The following CACNG2 variants were observed in gnomAD, a reference collection of about 807,000 sequenced individuals.
The protein encoded by CACNG2 is voltage-dependent calcium channel gamma-2 subunit.
CACNG2 carries 3 observed loss-of-function variants against 25.9 expected under a neutral mutation model. That is an observed-to-expected ratio of 0.12 (90% CI 0.05 to 0.30). The LOEUF (loss-of-function observed/expected upper bound fraction) is 0.30, where lower values mean the gene tolerates loss of function less well. Ranked by LOEUF, CACNG2 falls within the 10% of genes least tolerant of loss-of-function variation. The pLI is 1.00. For missense variants in CACNG2, 341 were observed against 432.5 expected, an observed-to-expected ratio of 0.79 and a Z score of 1.88; for synonymous variants, 167 against 173.3, an observed-to-expected ratio of 0.96 and a Z score of 0.29.
At chr22:36,687,250 C>T (rs888378691) in intron 1 of CACNG2, among the ~76,000 whole-genome samples, 1 of 152,110 alleles carries the variant, frequency 6.6e-6, no homozygotes, top group Non-Finnish European at 1.5e-5. Context: ...AGTTTACAGC[C>T]CCAGATTTGT....
chr22:36,696,205 G>A (rs942875030), intron 1 of CACNG2, among the ~76,000 whole-genome samples: 1 of 152,202 alleles, frequency 6.6e-6, no homozygotes, highest in South Asian at 2.1e-4. Flanking sequence ...TAGAGGACTT[G>A]CACCCCCGGC....
intron 2 of CACNG2, among the ~76,000 whole-genome samples, chr22:36,572,712 CAAA>C (rs1005967863): frequency 8.9e-6 from 1 of 111,844 alleles, no homozygotes; most frequent in African/African-American, 3.4e-5. Context: ...GACTCCATCT[CAAA>C]AAAAAAAAAA....
At chr22:36,693,062 C>T (rs868195728) in intron 1 of CACNG2, among the ~76,000 whole-genome samples, 8 of 152,150 alleles carry the variant, frequency 5.3e-5, no homozygotes, top group African/African-American at 1.9e-4. Flanking sequence ...ATAAGAATTG[C>T]TTTAACCCAG....
At chr22:36,618,825 C>T (rs761877383) in intron 1 of CACNG2, among the ~76,000 whole-genome samples, 18 of 152,138 alleles carry the variant, frequency 1.2e-4, no homozygotes, top group Non-Finnish European at 2.4e-4. Context: ...TAGGCTGAGG[C>T]AGGAGAACCA....
intron 1 of CACNG2, among the ~76,000 whole-genome samples, chr22:36,663,467 C>T (rs1330452055): frequency 6.6e-6 from 1 of 152,144 alleles, no homozygotes. Context: ...CTCAGCATAC[C>T]CATCTTCTCC....
chr22:36,655,024 G>GCTT (rs1936683030), intron 1 of CACNG2, among the ~76,000 whole-genome samples: 1 of 152,116 alleles, frequency 6.6e-6, no homozygotes, highest in African/African-American at 2.4e-5. Context: ...TGTGATTTGG[G>GCTT]AGGGGGGAAA....
chr22:36,674,011 G>A (rs77682922), intron 1 of CACNG2, among the ~76,000 whole-genome samples: 5 of 152,134 alleles, frequency 3.3e-5, no homozygotes, highest in East Asian at 1.9e-4. Context: ...GGTGTGCCGC[G>A]GGCAGCCGTC....
chr22:36,578,169 C>A (rs946012948), intron 2 of CACNG2, among the ~76,000 whole-genome samples: 15 of 151,984 alleles, frequency 9.9e-5, no homozygotes, highest in African/African-American at 3.6e-4. Flanking sequence ...TGAGACCAAC[C>A]TGGCCAACAT....
At chr22:36,645,530 C>T (rs921163799) in intron 1 of CACNG2, among the ~76,000 whole-genome samples, 2 of 125,712 alleles carry the variant, frequency 1.6e-5, no homozygotes, top group South Asian at 2.6e-4. Flanking sequence ...GAGCAAGACT[C>T]TGTCTCAAAA....
chr22:36,659,424 A>G (rs1297750178), intron 1 of CACNG2, among the ~76,000 whole-genome samples: 2 of 152,082 alleles, frequency 1.3e-5, no homozygotes, highest in African/African-American at 2.4e-5. Flanking sequence ...CACAGTGAAC[A>G]CTGTGCTGTT....
chr22:36,570,544 G>C (rs12169365), intron 2 of CACNG2, among the ~76,000 whole-genome samples: 4,058 of 152,162 alleles, frequency 0.027, 213 homozygotes, highest in African/African-American at 0.093. Context: ...TGGATCACCT[G>C]AGGTCAGGAG....
At chr22:36,666,423 A>T (rs11089801) in intron 1 of CACNG2, among the ~76,000 whole-genome samples, 1,652 of 151,622 alleles carry the variant, frequency 0.011, 13 homozygotes, top group Non-Finnish European at 0.014. Context: ...AAATAAATAA[A>T]TAAATAAATA....
At chr22:36,576,358 G>A (rs980724171) in intron 2 of CACNG2, among the ~76,000 whole-genome samples, 1 of 152,098 alleles carries the variant, frequency 6.6e-6, no homozygotes, top group Non-Finnish European at 1.5e-5. Flanking sequence ...TGATAGAATG[G>A]ACTCTGGGGA....
At chr22:36,700,056 A>C (rs2592960) in intron 1 of CACNG2, among the ~76,000 whole-genome samples, 18,795 of 152,294 alleles carry the variant, frequency 0.12, 1,401 homozygotes, top group Admixed American at 0.19. Flanking sequence ...ATCATCCCTG[A>C]GGAGAGCCTG....
At chr22:36,601,295 T>C (rs1935750389) in intron 1 of CACNG2, among the ~76,000 whole-genome samples, 1 of 152,206 alleles carries the variant, frequency 6.6e-6, no homozygotes, top group Admixed American at 6.5e-5. Flanking sequence ...ACTTAGCGTA[T>C]TGTCCTCCAG....
At chr22:36,591,903 G>A (rs768465147) in intron 1 of CACNG2, among the ~76,000 whole-genome samples, 11 of 152,070 alleles carry the variant, frequency 7.2e-5, no homozygotes, top group South Asian at 2.1e-4. Flanking sequence ...TTTTCCCAAC[G>A]AAATGGGAAG....
chr22:36,605,212 C>T (rs1345394236), intron 1 of CACNG2, among the ~76,000 whole-genome samples: 2 of 152,104 alleles, frequency 1.3e-5, no homozygotes, highest in African/African-American at 2.4e-5. Flanking sequence ...GTAGCTGGGA[C>T]TATAGGTGCC....
At chr22:36,614,328 C>T (rs1569029961) in intron 1 of CACNG2, among the ~76,000 whole-genome samples, 1 of 152,196 alleles carries the variant, frequency 6.6e-6, no homozygotes, top group East Asian at 1.9e-4. Context: ...CCTATTGATG[C>T]CTTAGTGCTC....
chr22:36,562,443 G>A lies in CACNG2; in HGVS notation c.*1908C>T, dbSNP rs572083945. 1 of 151,882 alleles carries A rather than the reference G, an allele frequency of 6.6e-6. No individual in the cohort carries two copies. Among genetic ancestry groups the A allele is most frequent in the Admixed American group, 6.6e-5 (1 of 15,242 alleles). 9.4% of individuals were successfully genotyped at this position (151,882 alleles called of 1,614,324 possible). ...CGGAATCCAGTCCTGGATTCTAGAC[G>A]GGTGCCCTTCCCATGCATGCGAGTG... On this transcript the variant is annotated 3_prime_UTR_variant, in exon 4 of 4. Coordinates refer to ENST00000300105, the MANE Select transcript of CACNG2 (RefSeq NM_006078.5).
Sources: allele counts gnomAD v4.1 joint callset (sites outside exome capture counted in the v4.1 genomes callset), GRCh38; gene constraint gnomAD v4.1.1; transcripts MANE v1.5; gene names NCBI Gene and HGNC (gene_info 2026-07-23, HGNC 2026-07-21).